Variants in ARHGAP15 observed in about 807,000 individuals in gnomAD.
ARHGAP15 encodes rho GTPase-activating protein 15.
In ARHGAP15, 51 loss-of-function variants were observed where a neutral mutation model predicts 63.7. The observed-to-expected ratio is 0.80, with a 90% CI of 0.64 to 1.01. ARHGAP15 has a LOEUF of 1.01. ARHGAP15 is among the 50% of genes least tolerant of loss of function. The pLI is 0.00. For missense variants in ARHGAP15, 560 were observed against 564.6 expected, an observed-to-expected ratio of 0.99 and a Z score of 0.08; for synonymous variants, 191 against 193.8, an observed-to-expected ratio of 0.99 and a Z score of 0.12.
At chr2:143,464,340 T>A (rs1327461638) in intron 8 of ARHGAP15, among the ~76,000 whole-genome samples, 2 of 152,160 alleles carry the variant, frequency 1.3e-5, no homozygotes, top group Non-Finnish European at 2.9e-5. Flanking sequence ...TATAACTTGA[T>A]AGAAATAAAG....
chr2:143,257,765 G>A (rs1023421901), intron 6 of ARHGAP15, among the ~76,000 whole-genome samples: 1 of 152,054 alleles, frequency 6.6e-6, no homozygotes, highest in Admixed American at 6.6e-5. Context: ...TCAAACCTGA[G>A]ACTTGACACG....
intron 11 of ARHGAP15, among the ~76,000 whole-genome samples, chr2:143,589,027 C>A (rs1697218134): frequency 6.6e-6 from 1 of 152,154 alleles, no homozygotes; most frequent in Admixed American, 6.6e-5. Context: ...TTAAACTAGG[C>A]ATGAAAAAAA....
intron 4 of ARHGAP15, among the ~76,000 whole-genome samples, chr2:143,217,768 T>A (rs1302678639): frequency 1.3e-5 from 2 of 152,178 alleles, no homozygotes; most frequent in African/African-American, 4.8e-5. Context: ...GTCATGACCC[T>A]TTCTTCCCTC....
intron 8 of ARHGAP15, among the ~76,000 whole-genome samples, chr2:143,475,550 A>C (rs2105200031): frequency 6.6e-6 from 1 of 152,372 alleles, no homozygotes; most frequent in South Asian, 2.1e-4. Flanking sequence ...AAGGCAAGGG[A>C]GGCTACCACT....
intron 6 of ARHGAP15, among the ~76,000 whole-genome samples, chr2:143,409,750 G>A (rs117367226): frequency 0.01 from 1,569 of 152,170 alleles, 47 homozygotes; most frequent in South Asian, 0.098. Context: ...GTAGTGTTCA[G>A]TACAGTAATA....
At chr2:143,438,008 C>G (rs1689688646) in intron 8 of ARHGAP15, among the ~76,000 whole-genome samples, 1 of 152,082 alleles carries the variant, frequency 6.6e-6, no homozygotes, top group Non-Finnish European at 1.5e-5. Flanking sequence ...TGGTTGGCAA[C>G]AAAGCAAGAC....
At chr2:143,422,909 C>T (rs887813622) in intron 6 of ARHGAP15, among the ~76,000 whole-genome samples, 1 of 152,078 alleles carries the variant, frequency 6.6e-6, no homozygotes, top group African/African-American at 2.4e-5. Context: ...TGAGCTTTGG[C>T]AAAGACAGGA....
At chr2:143,191,360 G>A (rs939900868) in intron 2 of ARHGAP15, among the ~76,000 whole-genome samples, 1 of 152,166 alleles carries the variant, frequency 6.6e-6, no homozygotes, top group African/African-American at 2.4e-5. Context: ...AAAGAATGAT[G>A]TATATGTTTC....
At chr2:143,261,385 G>A (rs1389516665) in intron 6 of ARHGAP15, among the ~76,000 whole-genome samples, 1 of 135,706 alleles carries the variant, frequency 7.4e-6, no homozygotes, top group Non-Finnish European at 1.5e-5. Flanking sequence ...CCAGGCTTGA[G>A]TGGAGTACAG....
chr2:143,577,150 T>C (rs1696710545), intron 11 of ARHGAP15, among the ~76,000 whole-genome samples: 1 of 152,124 alleles, frequency 6.6e-6, no homozygotes, highest in African/African-American at 2.4e-5. Context: ...TCTTAGGCCC[T>C]GAAAAAATAG....
chr2:143,294,256 C>G (rs1682534926), intron 6 of ARHGAP15, among the ~76,000 whole-genome samples: 1 of 152,108 alleles, frequency 6.6e-6, no homozygotes, highest in South Asian at 2.1e-4. Context: ...ACTAGGTAAA[C>G]AAGAAAATAT....
intron 4 of ARHGAP15, among the ~76,000 whole-genome samples, chr2:143,221,429 T>C (rs1189711194): frequency 6.6e-6 from 1 of 152,196 alleles, no homozygotes; most frequent in Non-Finnish European, 1.5e-5. Flanking sequence ...AACAATACAC[T>C]GACAGGCTTG....
chr2:143,417,625 A>G (rs1688744581), intron 6 of ARHGAP15, among the ~76,000 whole-genome samples: 1 of 152,208 alleles, frequency 6.6e-6, no homozygotes, highest in African/African-American at 2.4e-5. Context: ...TGACTTGTGC[A>G]GGACTGAGCT....
chr2:143,551,820 A>C (rs780602650), intron 10 of ARHGAP15, among the ~76,000 whole-genome samples: 2 of 152,204 alleles, frequency 1.3e-5, no homozygotes, highest in Non-Finnish European at 2.9e-5. Flanking sequence ...AAGAGAGATT[A>C]GAATTTTAAA....
chr2:143,746,488 GAAA>G (rs1287059884), intron 13 of ARHGAP15, among the ~76,000 whole-genome samples: 1 of 152,172 alleles, frequency 6.6e-6, no homozygotes, highest in Non-Finnish European at 1.5e-5. Flanking sequence ...ACTGCAGACA[GAAA>G]AATATTGGGG....
At chr2:143,242,416 C>A (rs1185322693) in intron 5 of ARHGAP15, among the ~76,000 whole-genome samples, 3 of 152,156 alleles carry the variant, frequency 2.0e-5, no homozygotes, top group Non-Finnish European at 1.5e-5. Flanking sequence ...AATAAATTGC[C>A]TTTTTAATGT....
At chr2:143,695,948 CATAG>C (rs1225452628) in intron 12 of ARHGAP15, among the ~76,000 whole-genome samples, 3 of 151,530 alleles carry the variant, frequency 2.0e-5, no homozygotes, top group African/African-American at 7.3e-5. Context: ...TGCATCATAA[CATAG>C]ATAGATACAG....
chr2:143,629,116 G>T lies in ARHGAP15; in HGVS notation c.1138+4849G>T, dbSNP rs139212332. On this transcript the variant is annotated intron_variant, in intron 12 of 13. Transcript: ENST00000295095. ...TTACTTTAATTTTTATTATATGTTT[G>T]AAAGTTATCACATAGTCCAAGAAGA... Among the ~76,000 whole-genome samples the T allele has an allele frequency of 4.8e-3, 733 of 151,698 alleles. 9 individuals carry two copies. Among genetic ancestry groups the T allele is most frequent in the South Asian group, 0.021 (103 of 4,794 alleles).
At chr2:143,443,619 TGA>T (rs1689997907) in intron 8 of ARHGAP15, among the ~76,000 whole-genome samples, 1 of 152,142 alleles carries the variant, frequency 6.6e-6, no homozygotes, top group Non-Finnish European at 1.5e-5. Flanking sequence ...TTTCACAGGT[TGA>T]GAGTTACTTA....
Sources: gnomAD v4.1 joint callset for allele counts (sites outside exome capture counted in the v4.1 genomes callset) on GRCh38, gnomAD v4.1.1 for gene constraint, MANE v1.5 for transcripts, NCBI Gene and HGNC (gene_info 2026-07-23, HGNC 2026-07-21) for gene names.